Variants in TPM3 observed in about 807,000 individuals in gnomAD.
The protein encoded by TPM3 is tropomyosin 3.
In TPM3, 16 loss-of-function variants were observed where a neutral mutation model predicts 43.1. That is an observed-to-expected ratio of 0.37 (90% CI 0.25 to 0.56). TPM3 has a LOEUF of 0.56. TPM3 is among the 20% of genes least tolerant of loss of function. The probability of loss-of-function intolerance (pLI) is 0.77; values close to 1 mark genes in which losing one functional copy is unlikely to be tolerated. For synonymous variants in TPM3, 101 were observed against 116.9 expected (o/e 0.86, Z 0.88); for missense variants, 176 against 337.2 (o/e 0.52, Z 3.74).
Position 154,167,906 on chromosome 1 carries a change from C to T in TPM3, c.*31G>A, listed in dbSNP as rs756206461. 9 of 1,613,702 alleles carry T rather than the reference C, an allele frequency of 5.6e-6. No homozygotes were observed. The Admixed American group carries it at 1.5e-4, about 27-fold the overall frequency. ...TGGGTTCCCCGAGGAGTAAAGGGGG[C>T]AGATCCAGAACAGAGCAGAAACGGT... On this transcript the variant is annotated 3_prime_UTR_variant, in exon 10 of 10. Transcript: ENST00000651641.
chr1:154,176,157 T>C lies in TPM3; in HGVS notation c.335A>G (p.Gln112Arg). 1 of 1,614,206 alleles carries C rather than the reference T, an allele frequency of 6.2e-7. No homozygotes were observed. The highest frequency in any genetic ancestry group is 2.2e-5 in the East Asian group (1 of 44,890). Reference protein sequence around the residue: ...RAQERLATALQKLEEAEKAAD... With the variant: ...RAQERLATALRKLEEAEKAAD... The stretch of plus-strand genomic sequence containing the variant: ...AGCTTTTTCAGCTTCTTCCAGCTTT[T>C]GCAGGGCAGTGGCCAGGCGCTCCTG... The change falls in exon 3 of 10, where the codon CAA (glutamine) becomes CGA (arginine). Residue 112 changes from glutamine (Q) to arginine (R), a missense_variant. Physicochemically the swap from Gln to Arg is conservative, Grantham distance 43. Around this residue, in one of 4 missense-constraint regions of TPM3, gnomAD observed 82 missense variants for 148.8 expected, o/e 0.55. Transcript: ENST00000651641.
At chr1:154,183,055 T>C (rs1663145967) in intron 2 of TPM3, 2 of 1,606,214 alleles carry the variant, frequency 1.2e-6, no homozygotes, top group Non-Finnish European at 1.7e-6. Flanking sequence ...CTCTGCATCA[T>C]CTGCCTGCTG....
At chr1:154,176,014 G>C in intron 3 of TPM3, 101 bp downstream of exon 3, 1 of 1,578,272 alleles carries the variant, frequency 6.3e-7, no homozygotes. Context: ...GCCATCACAC[G>C]CAGCCAGAAT....
At chr1:154,172,224 G>A in intron 5 of TPM3, 2 of 952,160 alleles carry the variant, frequency 2.1e-6, no homozygotes, top group Non-Finnish European at 1.7e-6. Flanking sequence ...AAAATGGGAA[G>A]AGAACACCAC....
chr1:154,183,420 T>G (rs1036757600), intron 2 of TPM3, among the ~76,000 whole-genome samples: 1 of 152,100 alleles, frequency 6.6e-6, no homozygotes, highest in Non-Finnish European at 1.5e-5. Context: ...CCATGGTAAC[T>G]GGGCGGCGCT....
chr1:154,179,364 A>G (rs1386168271), intron 2 of TPM3, among the ~76,000 whole-genome samples: 2 of 152,132 alleles, frequency 1.3e-5, no homozygotes, highest in Non-Finnish European at 2.9e-5. Context: ...GGGAAAGAGA[A>G]AGGAAAGCAA....
In TPM3 at chr1:154,175,999, C is replaced by T. The variant is rs569415672; in HGVS notation, c.377+116G>A. The stretch of plus-strand genomic sequence containing the variant: ...CGTCCCAAAGTGCTGGGATTACAGG[C>T]GTGAGCCATCACACGCAGCCAGAAT... On this transcript the variant is annotated intron_variant, in intron 3 of 9. Coordinates refer to ENST00000651641, the MANE Select transcript of TPM3 (RefSeq NM_152263.4). The T allele has an allele frequency of 2.1e-5, 32 of 1,537,110 alleles. No individual in the cohort carries two copies. The East Asian group carries it at 5.6e-4, about 27-fold the overall frequency.
At chr1:154,174,814 T>C (rs1025193897) in intron 3 of TPM3, among the ~76,000 whole-genome samples, 10 of 151,440 alleles carry the variant, frequency 6.6e-5, no homozygotes, top group Non-Finnish European at 1.3e-4. Flanking sequence ...ATAATTTGCA[T>C]GCTACTCTAA....
downstream of TPM3, chr1:154,158,515 T>C (rs1571351225): frequency 2.9e-6 from 1 of 340,168 alleles, no homozygotes; most frequent in South Asian, 4.0e-5. Flanking sequence ...CACAGACCCA[T>C]ATTCATATCC....
In TPM3 at chr1:154,183,329, C is replaced by A. The variant is rs1663199313; in HGVS notation, c.244-7081G>T. The A allele has an allele frequency of 3.2e-5, 46 of 1,459,208 alleles. 1 individual carries two copies. The South Asian group carries it at 5.7e-4, about 18-fold the overall frequency. 90.4% of individuals were successfully genotyped at this position (1,459,208 alleles called of 1,614,324 possible). ...GGGAGAGCCGCGGCAGGGAGTGGAT[C>A]CTCCCAGTCGCCCTGGAGTACGGCT... On this transcript the variant is annotated intron_variant, in intron 2 of 9. Coordinates refer to ENST00000651641, the MANE Select transcript of TPM3 (RefSeq NM_152263.4).
chr1:154,187,503 G>A (rs560289971), intron 2 of TPM3: 153 of 984,484 alleles, frequency 1.6e-4, no homozygotes, highest in South Asian at 3.8e-4. Context: ...TATTTAAATG[G>A]GTTTTGGTGG....
chr1:154,180,590 G>A (rs1662833567), intron 2 of TPM3, among the ~76,000 whole-genome samples: 1 of 152,026 alleles, frequency 6.6e-6, no homozygotes, highest in Non-Finnish European at 1.5e-5. Flanking sequence ...AATTTGGCAG[G>A]CTCTGAGTGA....
chr1:154,188,159 G>A (rs145508835), intron 2 of TPM3, among the ~76,000 whole-genome samples: 3 of 151,616 alleles, frequency 2.0e-5, no homozygotes, highest in South Asian at 2.1e-4. Flanking sequence ...GGCTTCAAGC[G>A]ATCCTCCCAT....
At chr1:154,191,036 TATACC>T in intron 2 of TPM3, 145 bp downstream of exon 2, 1 of 1,263,902 alleles carries the variant, frequency 7.9e-7, no homozygotes. Context: ...ATTATGAGAA[TATACC>T]AGCATGTGGT....
downstream of TPM3, chr1:154,157,393 G>A (rs905730094): frequency 1.2e-5 from 7 of 595,388 alleles, no homozygotes; most frequent in African/African-American, 1.8e-5. Flanking sequence ...AAGACATTAT[G>A]CATTGTGCTC....
rs1489019437 is a variant in TPM3 at position 154,164,429 on chromosome 1, G to A, written c.*3508C>T. On this transcript the variant is annotated 3_prime_UTR_variant, in exon 10 of 10. Transcript: ENST00000651641. ...CTCACCTCAGCCTCCTAAAGTGCAG[G>A]GATTACAGGCATGAGCCACTGCACC... Among the ~76,000 whole-genome samples the A allele has an allele frequency of 9.2e-5, 14 of 152,098 alleles. No homozygotes were observed. Among genetic ancestry groups the A allele is most frequent in the Admixed American group, 9.2e-4 (14 of 15,278 alleles).
At position 154,171,373 on chromosome 1, in the gene TPM3, C is replaced by T. The variant is rs375108282; in HGVS notation, c.642+40G>A. 21 of 1,610,728 alleles carry T rather than the reference C, an allele frequency of 1.3e-5. No individual in the cohort carries two copies. In the African/African-American group the frequency reaches 2.1e-4, roughly 16 times the overall value. On this transcript the variant is annotated intron_variant, in intron 6 of 9. Transcript: ENST00000651641. ...CTTTCATCAAGGGCAGGGCTGGGCCCAGGCCCCAAAGCCTGTCACTTTCAC... is the reference window on the plus strand; with the variant it reads ...CTTTCATCAAGGGCAGGGCTGGGCCTAGGCCCCAAAGCCTGTCACTTTCAC...
At chr1:154,181,846 G>T (rs78262198) in intron 2 of TPM3, among the ~76,000 whole-genome samples, 1 of 152,108 alleles carries the variant, frequency 6.6e-6, no homozygotes, top group Non-Finnish European at 1.5e-5. Flanking sequence ...ACTTGAACCC[G>T]GGAGGCGGAG....
intron 2 of TPM3, among the ~76,000 whole-genome samples, chr1:154,185,726 A>C (rs950703619): frequency 3.3e-5 from 5 of 151,140 alleles, no homozygotes; most frequent in African/African-American, 1.2e-4. Flanking sequence ...AAAAAAAGAA[A>C]AACAACAAAA....
Sources: gnomAD v4.1 joint callset for allele counts (sites outside exome capture counted in the v4.1 genomes callset) on GRCh38, gnomAD v4.1.1 for gene constraint, gnomAD v4.1.1 regional missense constraint, MANE v1.5 for transcripts, NCBI Gene and HGNC (gene_info 2026-07-23, HGNC 2026-07-21) for gene names.